IQCM: variants seen among roughly 807,000 people sequenced by gnomAD.
IQCM encodes IQ domain-containing protein M.
In IQCM, 45 loss-of-function variants were observed where a neutral mutation model predicts 57.6. That is an observed-to-expected ratio of 0.78 (90% CI 0.62 to 1.00). The LOEUF is 1.00. Among genes scored for constraint, IQCM ranks in the 50% least tolerant of loss-of-function variants. IQCM has a pLI of 0.00. For missense variants in IQCM, 468 were observed against 511.6 expected (o/e 0.91, Z 0.82); for synonymous variants, 148 against 158.9 (o/e 0.93, Z 0.51).
chr4:149,539,197 T>G (rs1332435970), intron 12 of IQCM, among the ~76,000 whole-genome samples: 2 of 152,062 alleles, frequency 1.3e-5, no homozygotes, highest in Non-Finnish European at 2.9e-5. Context: ...TGTGGCATAT[T>G]TATACAAAGA....
At chr4:149,517,314 C>T (rs568680822) in intron 12 of IQCM, among the ~76,000 whole-genome samples, 1 of 152,246 alleles carries the variant, frequency 6.6e-6, no homozygotes, top group Admixed American at 6.5e-5. Flanking sequence ...TACACTTGTA[C>T]TAAGAAAATA....
intron 9 of IQCM, among the ~76,000 whole-genome samples, chr4:149,584,416 C>A (rs760162525): frequency 2.6e-5 from 4 of 151,448 alleles, no homozygotes; most frequent in Non-Finnish European, 5.9e-5. Flanking sequence ...AAATGTTGAG[C>A]ATAGGTGTAT....
At chr4:149,545,392 G>T (rs570147390) in intron 12 of IQCM, among the ~76,000 whole-genome samples, 2 of 152,058 alleles carry the variant, frequency 1.3e-5, no homozygotes, top group Non-Finnish European at 2.9e-5. Flanking sequence ...TTCAAAAATG[G>T]CCAACAAACC....
intron 5 of IQCM, among the ~76,000 whole-genome samples, chr4:149,695,160 C>T (rs1183705043): frequency 2.6e-5 from 4 of 152,126 alleles, no homozygotes; most frequent in Non-Finnish European, 5.9e-5. Flanking sequence ...AGACTGTGAA[C>T]TCTGACGGTT....
At chr4:149,438,634 C>G (rs985205392) in intron 12 of IQCM, among the ~76,000 whole-genome samples, 1 of 151,898 alleles carries the variant, frequency 6.6e-6, no homozygotes, top group Non-Finnish European at 1.5e-5. Flanking sequence ...TATTTAAAAA[C>G]GAGGATACAA....
intron 8 of IQCM, 115 bp downstream of exon 8, chr4:149,621,014 T>C (rs777892488): frequency 7.1e-6 from 3 of 424,980 alleles, no homozygotes; most frequent in East Asian, 3.6e-5. Flanking sequence ...TGGAGAACTA[T>C]CTTAGGACTG....
intron 5 of IQCM, among the ~76,000 whole-genome samples, chr4:149,714,238 A>AT (rs1764804006): frequency 6.6e-6 from 1 of 151,918 alleles, no homozygotes; most frequent in South Asian, 2.1e-4. Context: ...TCAGTCTCCC[A>AT]TTTTTTGTTT....
intron 12 of IQCM, among the ~76,000 whole-genome samples, chr4:149,504,411 T>C (rs1024037964): frequency 1.3e-5 from 2 of 152,146 alleles, no homozygotes; most frequent in African/African-American, 4.8e-5. Context: ...CTATTCTAAA[T>C]GGGGATACTA....
intron 5 of IQCM, among the ~76,000 whole-genome samples, chr4:149,700,796 C>T (rs1763709950): frequency 6.6e-6 from 1 of 151,926 alleles, no homozygotes; most frequent in Admixed American, 6.6e-5. Context: ...GATTGTGATG[C>T]ATTAAATAAG....
chr4:149,489,667 G>A (rs980029100), intron 12 of IQCM, among the ~76,000 whole-genome samples: 1 of 151,792 alleles, frequency 6.6e-6, no homozygotes, highest in African/African-American at 2.4e-5. Context: ...GTTAATTACA[G>A]CCACCAAGGT....
At chr4:149,804,111 T>G (rs1773864687) in intron 2 of IQCM, among the ~76,000 whole-genome samples, 1 of 151,954 alleles carries the variant, frequency 6.6e-6, no homozygotes, top group Admixed American at 6.6e-5. Flanking sequence ...TAGGCTTTTG[T>G]AAAACCCAAG....
At chr4:149,751,292 T>C (rs967237276) in intron 2 of IQCM, among the ~76,000 whole-genome samples, 5 of 152,196 alleles carry the variant, frequency 3.3e-5, no homozygotes, top group African/African-American at 1.2e-4. Context: ...CCTCCGTGAA[T>C]TCTTTCTTTA....
chr4:149,486,422 A>T (rs1741518403), intron 12 of IQCM, among the ~76,000 whole-genome samples: 1 of 151,854 alleles, frequency 6.6e-6, no homozygotes. Context: ...TGCCACCACC[A>T]CCACCAATCC....
intron 5 of IQCM, among the ~76,000 whole-genome samples, chr4:149,698,378 C>T (rs1272648174): frequency 2.0e-5 from 3 of 152,058 alleles, no homozygotes; most frequent in African/African-American, 4.8e-5. Context: ...ACTGGCCTAG[C>T]ATATATTAGG....
At chr4:149,454,163 T>C (rs953019629) in intron 12 of IQCM, among the ~76,000 whole-genome samples, 2 of 147,050 alleles carry the variant, frequency 1.4e-5, no homozygotes, top group African/African-American at 5.0e-5. Context: ...TATATATATA[T>C]ATATACACAC....
At chr4:149,593,924 T>G (rs541405616) in intron 8 of IQCM, among the ~76,000 whole-genome samples, 1 of 152,110 alleles carries the variant, frequency 6.6e-6, no homozygotes, top group African/African-American at 2.4e-5. Flanking sequence ...TTCTCTTTTT[T>G]TGTTGTGTCT....
chr4:149,671,739 A>G (rs1341004110), intron 7 of IQCM, among the ~76,000 whole-genome samples: 1 of 152,188 alleles, frequency 6.6e-6, no homozygotes, highest in African/African-American at 2.4e-5. Flanking sequence ...TTATGTACCC[A>G]GTAGTCATTC....
chr4:149,765,711 T>C lies in IQCM; in HGVS notation c.-48-22972A>G, dbSNP rs565425387. On this transcript the variant is annotated intron_variant, in intron 2 of 13. Transcript: ENST00000636793. Reference sequence around the variant, plus strand: ...AGCTTGCTTTTCTATAATTTCTTACTTCTCAGGAGTCATGTAACCAGAGGT... The same window carrying C: ...AGCTTGCTTTTCTATAATTTCTTACCTCTCAGGAGTCATGTAACCAGAGGT... Among the ~76,000 whole-genome samples, 7 of 152,252 alleles carry C rather than the reference T, an allele frequency of 4.6e-5. 1 individual carries two copies. The highest frequency in any genetic ancestry group is 1.7e-4 in the African/African-American group (7 of 41,544).
Position 149,362,656 on chromosome 4 carries a change from A to G in IQCM, c.1391-10590T>C, listed in dbSNP as rs542544759. ...TCAGCCATGTGGAACTGTAAGTCCA[A>G]TTAAATCTCTTTTTCTTCCCAGTCT... On this transcript the variant is annotated intron_variant, in intron 13 of 13. Coordinates refer to ENST00000636793, the MANE Select transcript of IQCM (RefSeq NM_001363507.2). 4.6e-5 allele frequency among the ~76,000 whole-genome samples: 7 copies of G among 152,244 alleles called. No homozygotes were observed. In the South Asian group the frequency reaches 1.5e-3, roughly 32 times the overall value.
Sources: gnomAD v4.1 joint callset for allele counts (sites outside exome capture counted in the v4.1 genomes callset) on GRCh38, gnomAD v4.1.1 for gene constraint, MANE v1.5 for transcripts, NCBI Gene and HGNC (gene_info 2026-07-23, HGNC 2026-07-21) for gene names.